CREB3L2: variants seen among roughly 807,000 people sequenced by gnomAD.
The protein encoded by CREB3L2 is cyclic AMP-responsive element-binding protein 3-like protein 2.
In CREB3L2, 23 loss-of-function variants were observed where a neutral mutation model predicts 57.2. The observed-to-expected ratio is 0.40, with a 90% CI of 0.29 to 0.57. The LOEUF is 0.57. Among genes scored for constraint, CREB3L2 ranks in the 20% least tolerant of loss-of-function variants. CREB3L2 has a pLI of 0.42. For synonymous variants in CREB3L2, 268 were observed against 265.1 expected (o/e 1.01, Z -0.11); for missense variants, 628 against 634.7 (o/e 0.99, Z 0.11).
intron 1 of CREB3L2, among the ~76,000 whole-genome samples, chr7:137,979,496 C>T (rs1215805484): frequency 5.3e-5 from 8 of 152,072 alleles, no homozygotes; most frequent in African/African-American, 1.2e-4. Context: ...GAGGCTGAGG[C>T]GGGCGGATCA....
At chr7:137,971,622 T>A (rs1423252788) in intron 1 of CREB3L2, among the ~76,000 whole-genome samples, 3 of 152,026 alleles carry the variant, frequency 2.0e-5, no homozygotes, top group Non-Finnish European at 2.9e-5. Context: ...TCTTTCCCCA[T>A]TGTAAATAAC....
At chr7:137,938,020 GAGA>G (rs1312211545) in intron 1 of CREB3L2, among the ~76,000 whole-genome samples, 1 of 152,110 alleles carries the variant, frequency 6.6e-6, no homozygotes, top group Admixed American at 6.6e-5. Context: ...GTCACCCTGG[GAGA>G]AGGAGGAATA....
intron 1 of CREB3L2, among the ~76,000 whole-genome samples, chr7:137,955,026 A>G (rs1801180079): frequency 6.6e-6 from 1 of 152,228 alleles, no homozygotes. Flanking sequence ...TTCCCTGGAC[A>G]GAGCCACTGG....
chr7:137,985,340 G>A (rs1468458238), intron 1 of CREB3L2, among the ~76,000 whole-genome samples: 1 of 152,178 alleles, frequency 6.6e-6, no homozygotes, highest in African/African-American at 2.4e-5. Flanking sequence ...GAACAGCCAA[G>A]GCTAGACGCA....
intron 1 of CREB3L2, among the ~76,000 whole-genome samples, chr7:137,940,270 G>A (rs994298925): frequency 6.6e-6 from 1 of 152,130 alleles, no homozygotes; most frequent in Non-Finnish European, 1.5e-5. Context: ...TACCTCACCA[G>A]GGGACACCCA....
At position 137,878,106 on chromosome 7, in the gene CREB3L2, G is replaced by C. The variant is rs1799199705; in HGVS notation, c.*2370C>G. ...GGAAGGATGGTTTCCCAGAGAAAGA[G>C]TCCTGCTGTTTGGAGGTCGAGAGAG... On this transcript the variant is annotated 3_prime_UTR_variant, in exon 12 of 12. Transcript: ENST00000330387. The C allele has an allele frequency of 4.3e-6, 1 of 230,698 alleles. No individual in the cohort carries two copies. Among genetic ancestry groups the C allele is most frequent in the Non-Finnish European group, 8.6e-6 (1 of 116,652 alleles). 14.3% of individuals were successfully genotyped at this position (230,698 alleles called of 1,614,324 possible). A position where few individuals can be genotyped will look rare whatever the true frequency, so the allele number is the denominator to read the frequency against.
chr7:137,878,511 T>C lies in CREB3L2; in HGVS notation c.*1965A>G, dbSNP rs1799207865. 1.3e-5 allele frequency: 3 copies of C among 233,670 alleles called. No homozygotes were observed. In the East Asian group the frequency reaches 1.8e-4, roughly 14 times the overall value. 14.5% of individuals were successfully genotyped at this position (233,670 alleles called of 1,614,324 possible). A position where few individuals can be genotyped will look rare whatever the true frequency, so the allele number is the denominator to read the frequency against. ...CAGCCAGGCCCAACAGGATCTGGGCTGCAGACAGTGGAGCAGAGAGAAGCA... is the reference window on the plus strand; with the variant it reads ...CAGCCAGGCCCAACAGGATCTGGGCCGCAGACAGTGGAGCAGAGAGAAGCA... On this transcript the variant is annotated 3_prime_UTR_variant, in exon 12 of 12. Coordinates refer to ENST00000330387, the MANE Select transcript of CREB3L2 (RefSeq NM_194071.4).
chr7:138,001,888 C>T lies in CREB3L2; in HGVS notation c.-183G>A. ...GCCGGAGAGAGGATGGCCAAGCGCT[C>T]CCGTCCGGTGTCCTCGGAGATCCGA... On this transcript the variant is annotated 5_prime_UTR_variant, in exon 1 of 12. Transcript: ENST00000330387. This position sits in a 1 kb window ranked among gnomAD's most constrained non-coding sequence, Gnocchi z 4.2. The T allele has an allele frequency of 2.1e-6, 1 of 478,598 alleles. No individual in the cohort carries two copies. The highest frequency in any genetic ancestry group is 3.7e-6 in the Non-Finnish European group (1 of 268,922). 29.6% of individuals were successfully genotyped at this position (478,598 alleles called of 1,614,324 possible). A position where few individuals can be genotyped will look rare whatever the true frequency, so the allele number is the denominator to read the frequency against.
chr7:137,886,166 C>A (rs1799415126), intron 8 of CREB3L2, among the ~76,000 whole-genome samples: 1 of 152,200 alleles, frequency 6.6e-6, no homozygotes, highest in Non-Finnish European at 1.5e-5. Context: ...TCGTTTATTA[C>A]ATTTTGTTAT....
intron 1 of CREB3L2, among the ~76,000 whole-genome samples, chr7:137,934,696 T>C (rs1330413946): frequency 6.6e-6 from 1 of 152,212 alleles, no homozygotes; most frequent in Non-Finnish European, 1.5e-5. Context: ...AAGAGTTTGT[T>C]AGAAGGAGAG....
intron 4 of CREB3L2, among the ~76,000 whole-genome samples, chr7:137,909,203 A>G (rs1799956105): frequency 6.6e-6 from 1 of 152,232 alleles, no homozygotes; most frequent in South Asian, 2.1e-4. Flanking sequence ...TTCAGAAAAC[A>G]TGAAATCCAT....
chr7:137,976,505 T>C (rs1255603749), intron 1 of CREB3L2, among the ~76,000 whole-genome samples: 1 of 152,198 alleles, frequency 6.6e-6, no homozygotes, highest in Non-Finnish European at 1.5e-5. Context: ...CAGAGCAAAG[T>C]TGAAAGAATT....
At position 137,986,292 on chromosome 7, in the gene CREB3L2, G is replaced by A. The variant is rs528272129; in HGVS notation, c.102+15312C>T. Among the ~76,000 whole-genome samples the A allele has an allele frequency of 6.6e-5, 10 of 152,330 alleles. No homozygotes were observed. In the South Asian group the frequency reaches 1.5e-3, roughly 22 times the overall value. ...AATAAAAGAAAGTCTCTGCTTTCAC[G>A]GTGTTTCCATTTTGTTAGACGAGAA... On this transcript the variant is annotated intron_variant, in intron 1 of 11. Transcript: ENST00000330387.
chr7:137,917,790 T>A (rs1260505100), intron 2 of CREB3L2, among the ~76,000 whole-genome samples: 1 of 152,212 alleles, frequency 6.6e-6, no homozygotes. Context: ...TCAATTTATT[T>A]CCCAAGGTGA....
At position 137,875,971 on chromosome 7, in the gene CREB3L2, A is replaced by G. The variant is rs1799140804; in HGVS notation, c.*4505T>C. The stretch of plus-strand genomic sequence containing the variant: ...TGACCCTTTGACCACAAAGGCATGG[A>G]ACATTAATCTTCAAATGAGCCAGGT... On this transcript the variant is annotated 3_prime_UTR_variant, in exon 12 of 12. Transcript: ENST00000330387. The G allele has an allele frequency of 4.4e-6, 1 of 227,650 alleles. No homozygotes were observed. The highest frequency in any genetic ancestry group is 1.8e-4 in the South Asian group (1 of 5,474). 14.1% of individuals were successfully genotyped at this position (227,650 alleles called of 1,614,324 possible).
intron 1 of CREB3L2, among the ~76,000 whole-genome samples, chr7:137,973,485 G>A (rs1271150791): frequency 6.6e-6 from 1 of 152,248 alleles, no homozygotes; most frequent in Non-Finnish European, 1.5e-5. Flanking sequence ...CTCACCTAGA[G>A]TGAGTTGGAG....
chr7:137,989,765 C>A (rs999178437), intron 1 of CREB3L2, among the ~76,000 whole-genome samples: 1 of 150,864 alleles, frequency 6.6e-6, no homozygotes, highest in Non-Finnish European at 1.5e-5. Flanking sequence ...ATCTTCCCTG[C>A]CAAACTCATC....
At chr7:137,969,237 T>C (rs1801458756) in intron 1 of CREB3L2, among the ~76,000 whole-genome samples, 3 of 151,856 alleles carry the variant, frequency 2.0e-5, no homozygotes, top group Admixed American at 6.6e-5. Context: ...GAAAAAGAGG[T>C]GGCTATAAAG....
In CREB3L2 at chr7:137,877,794, G is replaced by A. The variant is rs1799191710; in HGVS notation, c.*2682C>T. 1 of 228,552 alleles carries A rather than the reference G, an allele frequency of 4.4e-6. No homozygotes were observed. Among genetic ancestry groups the A allele is most frequent in the Non-Finnish European group, 8.7e-6 (1 of 115,354 alleles). 14.2% of individuals were successfully genotyped at this position (228,552 alleles called of 1,614,324 possible). On this transcript the variant is annotated 3_prime_UTR_variant, in exon 12 of 12. Transcript: ENST00000330387. ...TGACTAGTCTAAGAGGCCACTTGGT[G>A]GGGAAAACAAATCCACTGATATTCT...
Sources: allele counts gnomAD v4.1 joint callset (sites outside exome capture counted in the v4.1 genomes callset), GRCh38; gene constraint gnomAD v4.1.1; non-coding constraint Gnocchi (gnomAD v3.1); transcripts MANE v1.5; gene names NCBI Gene and HGNC (gene_info 2026-07-23, HGNC 2026-07-21).